UPP2: variants seen among roughly 807,000 people sequenced by gnomAD.
The protein encoded by UPP2 is uridine phosphorylase 2.
UPP2 carries 23 observed loss-of-function variants against 26.7 expected under a neutral mutation model. The ratio of observed to expected loss-of-function variants is 0.86; its 90% CI spans 0.62 to 1.22. The LOEUF is 1.22. Among genes scored for constraint, UPP2 ranks in the 50% most tolerant of loss-of-function variants. The probability of loss-of-function intolerance (pLI) is 0.00; values close to 1 mark genes in which losing one functional copy is unlikely to be tolerated. For synonymous variants in UPP2, 127 were observed against 141.3 expected (o/e 0.90, Z 0.72); for missense variants, 387 against 396.7 (o/e 0.98, Z 0.21).
At position 158,022,143 on chromosome 2, in the gene UPP2, G is replaced by A. The variant is rs1219725883; in HGVS notation, c.147+6257G>A. Among the ~76,000 whole-genome samples the A allele has an allele frequency of 2.6e-5, 4 of 151,840 alleles. No homozygotes were observed. In the East Asian group the frequency reaches 7.7e-4, roughly 29 times the overall value. On this transcript the variant is annotated intron_variant, in intron 3 of 9. Transcript: ENST00000605860. Reference sequence around the variant, plus strand: ...TTTGACCACTGTGTGTAGTAAAGAAGTATATTTTGCACATGTCTATATAAT... The same window carrying A: ...TTTGACCACTGTGTGTAGTAAAGAAATATATTTTGCACATGTCTATATAAT...
intron 3 of UPP2, among the ~76,000 whole-genome samples, chr2:158,091,686 A>G (rs1007662393): frequency 1.1e-4 from 16 of 152,170 alleles, no homozygotes; most frequent in Non-Finnish European, 1.8e-4. Context: ...TCTGGGGCTC[A>G]GCTGGCTGTT....
At chr2:158,075,409 A>G (rs960444393) in intron 3 of UPP2, among the ~76,000 whole-genome samples, 5 of 152,014 alleles carry the variant, frequency 3.3e-5, no homozygotes, top group East Asian at 1.9e-4. Flanking sequence ...TCTCCTCAGC[A>G]TATCGATAAG....
At chr2:158,078,682 A>C (rs933924417) in intron 3 of UPP2, among the ~76,000 whole-genome samples, 18 of 152,098 alleles carry the variant, frequency 1.2e-4, no homozygotes, top group Non-Finnish European at 1.3e-4. Context: ...AATGGGTACA[A>C]AAAGTAGTTA....
intron 3 of UPP2, among the ~76,000 whole-genome samples, chr2:158,016,865 C>T (rs1241493672): frequency 6.6e-6 from 1 of 151,978 alleles, no homozygotes; most frequent in African/African-American, 2.4e-5. Context: ...CAATTTTTCC[C>T]TCTGAACAAA....
chr2:158,086,232 G>T (rs928983228), intron 3 of UPP2, among the ~76,000 whole-genome samples: 1 of 151,862 alleles, frequency 6.6e-6, no homozygotes. Context: ...ATCTGGGAGG[G>T]TTATATATTT....
chr2:158,083,797 T>A lies in UPP2; in HGVS notation c.148-18243T>A, dbSNP rs1053113054. 9.4e-5 allele frequency among the ~76,000 whole-genome samples: 14 copies of A among 149,668 alleles called. No individual in the cohort carries two copies. The Admixed American group carries it at 9.4e-4, about 10-fold the overall frequency. On this transcript the variant is annotated intron_variant, in intron 3 of 9. Transcript: ENST00000605860. ...ATGGCTTAGTATTCCATGGTGTATA[T>A]ATATATACATATATATATATACACG...
intron 3 of UPP2, among the ~76,000 whole-genome samples, chr2:158,054,565 G>C (rs1016286509): frequency 2.6e-5 from 4 of 151,846 alleles, no homozygotes; most frequent in African/African-American, 9.7e-5. Flanking sequence ...AAAGAGTGAG[G>C]CTGAGAAAAA....
chr2:158,116,755 T>G (rs1321518147), intron 3 of UPP2, among the ~76,000 whole-genome samples: 1 of 152,182 alleles, frequency 6.6e-6, no homozygotes, highest in Non-Finnish European at 1.5e-5. Context: ...AAATAATACT[T>G]AGAGCATTTA....
chr2:158,095,326 G>A (rs1474362459), intron 3 of UPP2, among the ~76,000 whole-genome samples: 1 of 152,128 alleles, frequency 6.6e-6, no homozygotes, highest in African/African-American at 2.4e-5. Flanking sequence ...AGCTGCTATG[G>A]TTTAACTGTG....
intron 2 of UPP2, among the ~76,000 whole-genome samples, chr2:158,113,716 A>G (rs1482100605): frequency 6.6e-6 from 1 of 152,182 alleles, no homozygotes; most frequent in Non-Finnish European, 1.5e-5. Flanking sequence ...TCAGTTAGGT[A>G]TTTCGTTAGA....
At chr2:158,114,391 G>C (rs1683380348) in intron 2 of UPP2, among the ~76,000 whole-genome samples, 1 of 152,168 alleles carries the variant, frequency 6.6e-6, no homozygotes, top group South Asian at 2.1e-4. Flanking sequence ...ACTGTTGTAT[G>C]AGTAACTGCC....
intron 3 of UPP2, among the ~76,000 whole-genome samples, chr2:158,088,757 A>T (rs1682858847): frequency 6.6e-6 from 1 of 152,076 alleles, no homozygotes; most frequent in African/African-American, 2.4e-5. Context: ...TCTCTTCGGG[A>T]TCTAGCCACC....
rs555802302 is a variant in UPP2, at chr2:158,023,143, G to A, written c.147+7257G>A. On this transcript the variant is annotated intron_variant, in intron 3 of 9. Coordinates refer to the UPP2 transcript ENST00000605860. The stretch of plus-strand genomic sequence containing the variant: ...AGGTGGGGGTGGGTGTGGGAAGGGC[G>A]TGTGTGAGGATGGGGTGTGTTAAAG... Among the ~76,000 whole-genome samples, 46 of 146,140 alleles carry A rather than the reference G, an allele frequency of 3.1e-4. 1 individual carries two copies. In the South Asian group the frequency reaches 3.4e-3, roughly 11 times the overall value.
chr2:158,099,724 A>G (rs1232785945), upstream of UPP2, among the ~76,000 whole-genome samples: 1 of 152,188 alleles, frequency 6.6e-6, no homozygotes, highest in African/African-American at 2.4e-5. Context: ...TTTTTCTAAT[A>G]TTAGAGGTTC....
intron 3 of UPP2, among the ~76,000 whole-genome samples, chr2:158,078,720 A>T (rs150932557): frequency 4.9e-4 from 74 of 152,282 alleles, no homozygotes; most frequent in Middle Eastern, 6.8e-3. Context: ...CTAGTATTTG[A>T]CAGCACAACA....
At chr2:158,095,716 G>A (rs913770982) in intron 3 of UPP2, among the ~76,000 whole-genome samples, 11 of 151,916 alleles carry the variant, frequency 7.2e-5, no homozygotes, top group African/African-American at 1.9e-4. Flanking sequence ...ATACGGAGTC[G>A]AACTGTTTAG....
chr2:158,080,708 T>A (rs184240235), intron 3 of UPP2, among the ~76,000 whole-genome samples: 123 of 152,268 alleles, frequency 8.1e-4, no homozygotes, highest in Non-Finnish European at 1.7e-3. Flanking sequence ...TGAAACAAAA[T>A]TATGACTTTT....
intron 3 of UPP2, among the ~76,000 whole-genome samples, chr2:158,078,413 A>G (rs1348045937): frequency 6.6e-6 from 1 of 152,206 alleles, no homozygotes; most frequent in Non-Finnish European, 1.5e-5. Flanking sequence ...TGGATGAATG[A>G]ATGTGATACA....
rs1001605282 is a variant in UPP2, at chr2:158,024,827, G to C, written c.147+8941G>C. On this transcript the variant is annotated intron_variant, in intron 3 of 9. Coordinates refer to the UPP2 transcript ENST00000605860. ...TCTGAAAAGTTGGCTTTTTGGAAAA[G>C]TAGCAGGTGCAATCTGGTCATAAAA... is the stretch of plus-strand genomic sequence containing the variant. Among the ~76,000 whole-genome samples the C allele has an allele frequency of 3.3e-5, 5 of 152,140 alleles. No homozygotes were observed. The East Asian group carries it at 7.7e-4, about 23-fold the overall frequency.
Sources: allele counts gnomAD v4.1 joint callset (sites outside exome capture counted in the v4.1 genomes callset), GRCh38; gene constraint gnomAD v4.1.1; transcripts MANE v1.5; gene names NCBI Gene and HGNC (gene_info 2026-07-23, HGNC 2026-07-21).